The following NPNT variants were observed in gnomAD, a reference collection of about 807,000 sequenced individuals.
The protein encoded by NPNT is preosteoblast EGF-like repeat protein with MAM domain.
A neutral mutation model predicts 68.6 loss-of-function variants in NPNT; 45 were observed. That is an observed-to-expected ratio of 0.66 (90% confidence interval 0.52 to 0.84). The LOEUF is 0.84. Ranked by LOEUF, NPNT falls within the 40% of genes least tolerant of loss-of-function variation. The pLI is 0.00. For synonymous variants in NPNT, 233 were observed against 253.3 expected (o/e 0.92, Z 0.76); for missense variants, 672 against 714.8 (o/e 0.94, Z 0.68).
At chr4:105,942,870 T>C (rs1055297555) in intron 8 of NPNT, among the ~76,000 whole-genome samples, 168 bp downstream of exon 8, 1 of 152,216 alleles carries the variant, frequency 6.6e-6, no homozygotes, top group Non-Finnish European at 1.5e-5. Context: ...GTCAGTCTAA[T>C]TGGGCAAGTA....
chr4:105,961,986 C>T (rs1455114385), intron 10 of NPNT, among the ~76,000 whole-genome samples: 2 of 152,078 alleles, frequency 1.3e-5, no homozygotes, highest in Non-Finnish European at 2.9e-5. Context: ...GGGGTTGAGT[C>T]GAAGTTATGG....
At chr4:105,967,163 CACA>C in intron 10 of NPNT, 22 bp from the exon 11 acceptor site, 1 of 1,611,646 alleles carries the variant, frequency 6.2e-7, no homozygotes, top group African/African-American at 1.3e-5. Context: ...GGCACATACA[CACA>C]GCCCTGCTTT....
intron 2 of NPNT, among the ~76,000 whole-genome samples, chr4:105,904,126 T>C (rs1726671091): frequency 6.6e-6 from 1 of 152,174 alleles, no homozygotes; most frequent in Non-Finnish European, 1.5e-5. Context: ...ATTGTATGGC[T>C]ATACTGTAAT....
intron 2 of NPNT, among the ~76,000 whole-genome samples, chr4:105,913,251 T>G (rs1372993136): frequency 1.3e-5 from 2 of 152,228 alleles, no homozygotes; most frequent in Non-Finnish European, 2.9e-5. Context: ...AAAAAAATAT[T>G]TGGGAACAAA....
At chr4:105,924,983 A>C in intron 2 of NPNT, among the ~76,000 whole-genome samples, 1 of 152,236 alleles carries the variant, frequency 6.6e-6, no homozygotes, top group Non-Finnish European at 1.5e-5. Context: ...TCCAGGTTGC[A>C]TGCATATATA....
chr4:105,924,240 C>A (rs1450340837), intron 2 of NPNT, among the ~76,000 whole-genome samples: 1 of 152,118 alleles, frequency 6.6e-6, no homozygotes, highest in Admixed American at 6.6e-5. Context: ...TTTTCATACC[C>A]TCTATGACTC....
In NPNT at chr4:105,970,496, T is replaced by G. The variant is rs1436079180; in HGVS notation, c.*1506T>G. 1 of 692,494 alleles carries G rather than the reference T, an allele frequency of 1.4e-6. No homozygotes were observed. Among genetic ancestry groups the G allele is most frequent in the East Asian group, 2.7e-5 (1 of 36,836 alleles). The allele number at this position is 692,494 out of a possible 1,614,324, so 42.9% of individuals were successfully genotyped here. A position where few individuals can be genotyped will look rare whatever the true frequency, so the allele number is the denominator to read the frequency against. On this transcript the variant is annotated 3_prime_UTR_variant, in exon 12 of 12. Transcript: ENST00000379987. ...AGACTGAGGGGCAAACCATTGATGG[T>G]TTTCAAGTATATGAAGGGTTGGCAC... is the stretch of plus-strand genomic sequence containing the variant.
intron 10 of NPNT, 137 bp from the exon 11 acceptor site, chr4:105,967,051 C>A: frequency 1.3e-6 from 1 of 774,360 alleles, no homozygotes; most frequent in Non-Finnish European, 2.0e-6. Context: ...ACAAATAAGT[C>A]ATATTTTTCT....
chr4:105,965,360 CAAAA>C (rs367576063), intron 10 of NPNT, among the ~76,000 whole-genome samples: 1 of 71,758 alleles, frequency 1.4e-5, no homozygotes. Context: ...TCTTCATGGC[CAAAA>C]AAAAAAAAAA....
chr4:105,896,928 TTTTTA>T (rs759215747), intron 1 of NPNT, among the ~76,000 whole-genome samples: 3 of 152,224 alleles, frequency 2.0e-5, no homozygotes, highest in Non-Finnish European at 4.4e-5. Flanking sequence ...AGTGTAGACC[TTTTTA>T]TTTTATTTTT....
chr4:105,898,194 C>A, intron 2 of NPNT, 193 bp downstream of exon 2: 1 of 412,156 alleles, frequency 2.4e-6, no homozygotes, highest in Admixed American at 4.1e-5. Flanking sequence ...GTATTACGGC[C>A]CAGCTTTGTC....
intron 10 of NPNT, 40 bp downstream of exon 10, chr4:105,959,166 A>AG: frequency 8.1e-7 from 1 of 1,231,902 alleles, no homozygotes; most frequent in Non-Finnish European, 1.2e-6. Context: ...TACACATTTC[A>AG]ATGTGATACT....
intron 2 of NPNT, among the ~76,000 whole-genome samples, chr4:105,915,847 T>C (rs1161113287): frequency 6.6e-6 from 1 of 152,220 alleles, no homozygotes; most frequent in African/African-American, 2.4e-5. Context: ...TACTCAAACC[T>C]TCCTTCCTTT....
chr4:105,932,796 C>T (rs1729219293), intron 3 of NPNT: 1 of 833,656 alleles, frequency 1.2e-6, no homozygotes, highest in Non-Finnish European at 1.9e-6. Context: ...AAGACTAGCC[C>T]AGGAGTGTCC....
rs977642918 is a variant in NPNT at position 105,919,822 on chromosome 4, C to T, written c.173-7514C>T. ...GTTTGATCACTTGATGAAGTGGTAT[C>T]CATCAGATTTCTCTACTGAAAGGCA... On this transcript the variant is annotated intron_variant, in intron 2 of 11. Transcript: ENST00000379987. Among the ~76,000 whole-genome samples, 23 of 152,100 alleles carry T rather than the reference C, an allele frequency of 1.5e-4. No homozygotes were observed. The South Asian group carries it at 2.1e-3, about 14-fold the overall frequency.
At chr4:105,950,275 T>C (rs1002473620) in intron 8 of NPNT, among the ~76,000 whole-genome samples, 2 of 152,160 alleles carry the variant, frequency 1.3e-5, no homozygotes, top group Admixed American at 1.3e-4. Context: ...AGATTTTTTT[T>C]CCCCAGTGTT....
rs536508640 is a variant in NPNT at position 105,931,795 on chromosome 4, G to A, written c.265+4367G>A. Among the ~76,000 whole-genome samples the A allele has an allele frequency of 2.6e-5, 4 of 152,020 alleles. No individual in the cohort carries two copies. In the South Asian group the frequency reaches 6.2e-4, roughly 24 times the overall value. On this transcript the variant is annotated intron_variant, in intron 3 of 11. Coordinates refer to ENST00000379987, the MANE Select transcript of NPNT (RefSeq NM_001033047.3). ...GCGGAGCTTGCAGTGAGCCAAGATC[G>A]AGCGGCTGCACTCCAGCCTGGGCAA...
chr4:105,909,532 A>AT (rs1233562872), intron 2 of NPNT, among the ~76,000 whole-genome samples: 1 of 152,114 alleles, frequency 6.6e-6, no homozygotes, highest in Non-Finnish European at 1.5e-5. Flanking sequence ...GGTCTGATGA[A>AT]TTTTTTTATA....
rs1388941353 is a variant in NPNT at position 105,948,983 on chromosome 4, C to T, written c.1159+6281C>T. 5.3e-5 allele frequency among the ~76,000 whole-genome samples: 8 copies of T among 152,020 alleles called. 1 individual carries two copies. The highest frequency in any genetic ancestry group is 4.1e-4 in the South Asian group (2 of 4,824). ...ATAAGATGTATTTACAGGGCTAATC[C>T]GGTGGGCATGATTTGAGCAACACTA... On this transcript the variant is annotated intron_variant, in intron 8 of 11. Transcript: ENST00000379987.
Sources: allele counts gnomAD v4.1 joint callset (sites outside exome capture counted in the v4.1 genomes callset), GRCh38; gene constraint gnomAD v4.1.1; transcripts MANE v1.5; gene names NCBI Gene and HGNC (gene_info 2026-07-23, HGNC 2026-07-21).